Variants in TFEC observed in about 807,000 individuals in gnomAD.
TFEC encodes class E basic helix-loop-helix protein 34.
TFEC carries 31 observed loss-of-function variants against 41.6 expected under a neutral mutation model. That is an observed-to-expected ratio of 0.74 (90% CI 0.56 to 1.01). The LOEUF (loss-of-function observed/expected upper bound fraction) is 1.01. Among genes scored for constraint, TFEC ranks in the 50% least tolerant of loss-of-function variants. The probability of loss-of-function intolerance (pLI) is 0.00; values close to 1 mark genes in which losing one functional copy is unlikely to be tolerated. For synonymous variants in TFEC, 143 were observed against 140.6 expected (o/e 1.02, Z -0.12); for missense variants, 402 against 404.1 (o/e 0.99, Z 0.04).
At chr7:116,112,127 G>C (rs1797869029) in intron 1 of TFEC, 1 of 633,830 alleles carries the variant, frequency 1.6e-6, no homozygotes, top group Non-Finnish European at 2.0e-6. Context: ...ATTATTATAA[G>C]GCAAAAACAT....
chr7:115,994,201 T>A (rs545748338), intron 1 of TFEC, among the ~76,000 whole-genome samples: 2 of 152,146 alleles, frequency 1.3e-5, no homozygotes, highest in Non-Finnish European at 2.9e-5. Context: ...ATACAAAAAT[T>A]AATTCAAGAT....
In TFEC at chr7:115,964,776, A is replaced by C. The variant is rs1347968066; in HGVS notation, c.268-7983T>G. Reference sequence around the variant, plus strand: ...AACTTTGTATTTGAAATTCTAGCCAAGGTAATAAGGTAAGAGAAGAAAAGT... The same window carrying C: ...AACTTTGTATTTGAAATTCTAGCCACGGTAATAAGGTAAGAGAAGAAAAGT... On this transcript the variant is annotated intron_variant, in intron 3 of 7. Coordinates refer to ENST00000265440, the MANE Select transcript of TFEC (RefSeq NM_012252.4). 3.3e-5 allele frequency among the ~76,000 whole-genome samples: 5 copies of C among 151,598 alleles called. 1 individual carries two copies. Among genetic ancestry groups the C allele is most frequent in the African/African-American group, 1.2e-4 (5 of 41,388 alleles).
At chr7:116,136,327 A>T (rs1798431969) in intron 1 of TFEC, among the ~76,000 whole-genome samples, 3 of 152,046 alleles carry the variant, frequency 2.0e-5, no homozygotes, top group African/African-American at 4.8e-5. Context: ...TTAAAGTTAC[A>T]TAAAACTCAA....
intron 1 of TFEC, among the ~76,000 whole-genome samples, chr7:116,140,730 T>C (rs2116387010): frequency 6.6e-6 from 1 of 152,270 alleles, no homozygotes; most frequent in South Asian, 2.1e-4. Context: ...ATTTTTGCCT[T>C]CCCATTTAGA....
intron 1 of TFEC, among the ~76,000 whole-genome samples, chr7:116,142,436 C>A (rs1411012600): frequency 1.3e-5 from 2 of 152,164 alleles, no homozygotes; most frequent in East Asian, 3.9e-4. Flanking sequence ...GTCCTACCAG[C>A]TACAATTGTA....
chr7:115,991,004 G>A lies in TFEC; in HGVS notation c.-72-6491C>T, dbSNP rs868311141. ...GAGAAAGGTCAGGTTACCCACAAAG[G>A]GAAGCCCATCAGACTAACAGCTGAT... On this transcript the variant is annotated intron_variant, in intron 1 of 7. Coordinates refer to ENST00000265440, the MANE Select transcript of TFEC (RefSeq NM_012252.4). 4.3e-4 allele frequency among the ~76,000 whole-genome samples: 66 copies of A among 152,226 alleles called. 1 individual carries two copies. Among genetic ancestry groups the A allele is most frequent in the Admixed American group, 2.7e-3 (41 of 15,278 alleles).
intron 1 of TFEC, among the ~76,000 whole-genome samples, chr7:115,989,770 G>T (rs1451489410): frequency 6.6e-6 from 1 of 152,194 alleles, no homozygotes; most frequent in Non-Finnish European, 1.5e-5. Context: ...AAGGAGGCCT[G>T]CCTGCCTCTG....
In TFEC at chr7:116,002,077, G is replaced by A. The variant is rs530497723; in HGVS notation, c.-72-17564C>T. On this transcript the variant is annotated intron_variant, in intron 1 of 7. Transcript: ENST00000265440. ...AAAGAACCCTTGTACCCTCTTCGTG[G>A]GAATGTAAGTTAGTACAACCACTAT... is the stretch of plus-strand genomic sequence containing the variant. Among the ~76,000 whole-genome samples the A allele has an allele frequency of 3.9e-5, 6 of 152,282 alleles. 1 individual carries two copies. Among genetic ancestry groups the A allele is most frequent in the African/African-American group, 1.4e-4 (6 of 41,558 alleles).
chr7:116,133,818 C>T (rs1798381901), intron 1 of TFEC, among the ~76,000 whole-genome samples: 2 of 152,034 alleles, frequency 1.3e-5, no homozygotes, highest in South Asian at 4.1e-4. Flanking sequence ...TTTTTAGATG[C>T]CTAAGACATC....
chr7:115,957,009 A>G (rs985242733), intron 3 of TFEC, among the ~76,000 whole-genome samples: 7 of 152,024 alleles, frequency 4.6e-5, no homozygotes, highest in African/African-American at 7.2e-5. Flanking sequence ...AAAAAAAGTT[A>G]TATGTGTTTA....
chr7:116,029,584 G>C (rs1396042676), intron 1 of TFEC, among the ~76,000 whole-genome samples: 1 of 151,894 alleles, frequency 6.6e-6, no homozygotes, highest in Non-Finnish European at 1.5e-5. Context: ...CCCTTAAAAT[G>C]CATATTCCCA....
chr7:116,004,841 T>C (rs184032447), intron 1 of TFEC, among the ~76,000 whole-genome samples: 49 of 151,872 alleles, frequency 3.2e-4, no homozygotes, highest in Non-Finnish European at 5.9e-4. Context: ...ATGATTTGGC[T>C]GTGTCCCCAC....
intron 1 of TFEC, among the ~76,000 whole-genome samples, chr7:116,125,770 C>T (rs2402034): frequency 0.36 from 55,004 of 151,944 alleles, 10,187 homozygotes; most frequent in East Asian, 0.58. Flanking sequence ...AAGGTTGGTG[C>T]CTCCGGGGAT....
chr7:115,977,336 G>A (rs952807851), intron 2 of TFEC, among the ~76,000 whole-genome samples: 66 of 151,960 alleles, frequency 4.3e-4, no homozygotes, highest in African/African-American at 1.6e-3. Flanking sequence ...GGCATAGAAA[G>A]TATAAGATTC....
At chr7:116,125,147 G>C (rs1798184351) in intron 1 of TFEC, among the ~76,000 whole-genome samples, 1 of 152,104 alleles carries the variant, frequency 6.6e-6, no homozygotes, top group Admixed American at 6.6e-5. Context: ...ATGGACAGCA[G>C]GTACCTCAAT....
At chr7:116,139,520 G>A (rs1442250880) in intron 1 of TFEC, among the ~76,000 whole-genome samples, 1 of 152,134 alleles carries the variant, frequency 6.6e-6, no homozygotes, top group African/African-American at 2.4e-5. Flanking sequence ...ATTATTTATT[G>A]AGTGTGCCAA....
chr7:115,973,964 CAGAG>C (rs1042304938), intron 3 of TFEC, among the ~76,000 whole-genome samples: 10 of 151,828 alleles, frequency 6.6e-5, no homozygotes, highest in African/African-American at 1.4e-4. Context: ...CAGAGAGAGA[CAGAG>C]AGAGAGATTA....
rs1791466712 is a variant in TFEC, at chr7:115,945,216, T to C, written c.516-3176A>G. ...TAATAATGTCATTTCTTCTTTTATT[T>C]TCTCACCCTCAAAGTAAATTTGCCT... is the stretch of plus-strand genomic sequence containing the variant. On this transcript the variant is annotated intron_variant, in intron 6 of 7. Coordinates refer to ENST00000265440, the MANE Select transcript of TFEC (RefSeq NM_012252.4). Among the ~76,000 whole-genome samples, 2 of 151,302 alleles carry C rather than the reference T, an allele frequency of 1.3e-5. 1 individual carries two copies. The highest frequency in any genetic ancestry group is 4.4e-4 in the South Asian group (2 of 4,534).
In TFEC at chr7:116,066,338, G is replaced by A. The variant is rs572424932; in HGVS notation, c.198+44370C>T. 2.0e-4 allele frequency among the ~76,000 whole-genome samples: 30 copies of A among 152,116 alleles called. No homozygotes were observed. The South Asian group carries it at 3.9e-3, about 20-fold the overall frequency. On this transcript the variant is annotated intron_variant, in intron 3 of 8. Transcript: ENST00000484212. ...CTGATTAGAAATTAATATAACTTACGTCTTTCTTTTGATATAAGTTAATGT... is the reference window on the plus strand; with the variant it reads ...CTGATTAGAAATTAATATAACTTACATCTTTCTTTTGATATAAGTTAATGT...
Sources: allele counts gnomAD v4.1 joint callset (sites outside exome capture counted in the v4.1 genomes callset), GRCh38; gene constraint gnomAD v4.1.1; transcripts MANE v1.5; gene names NCBI Gene and HGNC (gene_info 2026-07-23, HGNC 2026-07-21).